Variants in CFAP299 observed in about 807,000 individuals in gnomAD.
CFAP299 encodes cilia and flagella associated protein 299.
A neutral mutation model predicts 27.0 loss-of-function variants in CFAP299; 21 were observed. The observed-to-expected ratio is 0.78, with a 90% CI of 0.55 to 1.12. The LOEUF is 1.12. Among genes scored for constraint, CFAP299 ranks in the 50% most tolerant of loss-of-function variants. The pLI, the probability that CFAP299 is intolerant of heterozygous loss-of-function variation, is 0.00. For synonymous variants in CFAP299, 104 were observed against 98.1 expected (o/e 1.06, Z -0.36); for missense variants, 310 against 276.6 (o/e 1.12, Z -0.86).
chr4:80,669,149 CTTTTTTTTTTT>C (rs869091451), intron 3 of CFAP299, among the ~76,000 whole-genome samples: 13 of 17,156 alleles, frequency 7.6e-4, no homozygotes, highest in Admixed American at 3.8e-3. Context: ...TTCTTTCTTT[CTTTTTTTTTTT>C]TTTTTTTTTT....
intron 3 of CFAP299, among the ~76,000 whole-genome samples, chr4:80,666,585 A>G (rs1001912838): frequency 6.6e-6 from 1 of 152,114 alleles, no homozygotes; most frequent in Non-Finnish European, 1.5e-5. Flanking sequence ...ATATCTCACA[A>G]TACTCATCTA....
chr4:80,675,663 GC>G (rs1455893934), intron 3 of CFAP299, among the ~76,000 whole-genome samples: 3 of 152,192 alleles, frequency 2.0e-5, no homozygotes, highest in Non-Finnish European at 4.4e-5. Context: ...TACAGAGGCA[GC>G]AGGTCTTGCA....
At chr4:80,741,044 C>T (rs578162901) in intron 3 of CFAP299, among the ~76,000 whole-genome samples, 6 of 152,292 alleles carry the variant, frequency 3.9e-5, no homozygotes, top group Admixed American at 3.3e-4. Context: ...TGACTATGGC[C>T]TGGGTGATAT....
intron 4 of CFAP299, among the ~76,000 whole-genome samples, chr4:80,908,301 A>G (rs1443612498): frequency 6.6e-6 from 1 of 152,236 alleles, no homozygotes; most frequent in Non-Finnish European, 1.5e-5. Flanking sequence ...TCAGAGCTGT[A>G]AAAATAGCCA....
intron 4 of CFAP299, among the ~76,000 whole-genome samples, chr4:80,894,046 A>G (rs990742997): frequency 2.0e-5 from 3 of 152,112 alleles, no homozygotes; most frequent in Non-Finnish European, 2.9e-5. Context: ...TTAAAAAAAA[A>G]TGGTTGAAAG....
At chr4:80,637,363 C>T (rs996807776) in intron 3 of CFAP299, among the ~76,000 whole-genome samples, 2 of 152,116 alleles carry the variant, frequency 1.3e-5, no homozygotes, top group African/African-American at 4.8e-5. Flanking sequence ...GTGAAATGCC[C>T]TGACTTTGGA....
At chr4:80,799,212 A>T (rs1427134933) in intron 3 of CFAP299, among the ~76,000 whole-genome samples, 1 of 111,966 alleles carries the variant, frequency 8.9e-6, no homozygotes, top group Non-Finnish European at 1.7e-5. Context: ...TTATATATAT[A>T]TTGTATAAAT....
chr4:80,802,332 G>T (rs1402814961), intron 3 of CFAP299, among the ~76,000 whole-genome samples: 4 of 152,034 alleles, frequency 2.6e-5, no homozygotes, highest in Non-Finnish European at 4.4e-5. Flanking sequence ...TGTTTTAGCA[G>T]TGTGTGGGTG....
intron 3 of CFAP299, among the ~76,000 whole-genome samples, chr4:80,825,390 A>G (rs1482746985): frequency 6.6e-6 from 1 of 151,730 alleles, no homozygotes; most frequent in Non-Finnish European, 1.5e-5. Flanking sequence ...TTGATGAAAG[A>G]CATGCATATA....
intron 2 of CFAP299, among the ~76,000 whole-genome samples, chr4:80,531,679 C>T (rs1025727166): frequency 6.6e-6 from 1 of 151,004 alleles, no homozygotes; most frequent in Non-Finnish European, 1.5e-5. Context: ...GCTAAAAATA[C>T]TAATTTTCCC....
chr4:80,691,756 C>A (rs1211368786), intron 3 of CFAP299, among the ~76,000 whole-genome samples: 1 of 152,062 alleles, frequency 6.6e-6, no homozygotes, highest in Non-Finnish European at 1.5e-5. Flanking sequence ...GTCAAATTGT[C>A]CCTGTTTGCA....
chr4:80,514,577 GC>G (rs1732490522), intron 2 of CFAP299, among the ~76,000 whole-genome samples: 1 of 151,972 alleles, frequency 6.6e-6, no homozygotes, highest in African/African-American at 2.4e-5. Flanking sequence ...ATTATTTAAA[GC>G]CCACTGGTCC....
chr4:80,391,524 ATGAC>A (rs1560544557), intron 2 of CFAP299, among the ~76,000 whole-genome samples: 1 of 152,176 alleles, frequency 6.6e-6, no homozygotes, highest in East Asian at 1.9e-4. Flanking sequence ...ATTTTGATCA[ATGAC>A]AGACTGCGTA....
Position 80,963,385 on chromosome 4 carries a change from G to A in CFAP299, c.607-132G>A, listed in dbSNP as rs193251640. On this transcript the variant is annotated intron_variant, in intron 5 of 5. Coordinates refer to ENST00000358105, the MANE Select transcript of CFAP299 (RefSeq NM_152770.3). ...GAGAAAAAGACTAGGGGGAAAACAT[G>A]TATATATCTCCGTGGAAACAAACTT... 1.6e-5 allele frequency: 10 copies of A among 628,146 alleles called. No individual in the cohort carries two copies. The East Asian group carries it at 2.9e-4, about 18-fold the overall frequency. 38.9% of individuals were successfully genotyped at this position (628,146 alleles called of 1,614,324 possible).
chr4:80,654,670 G>T (rs1319291441), intron 3 of CFAP299, among the ~76,000 whole-genome samples: 2 of 151,848 alleles, frequency 1.3e-5, no homozygotes, highest in Non-Finnish European at 2.9e-5. Context: ...CACAGGCAAT[G>T]ATCATAGATC....
chr4:80,474,221 T>C (rs1730161244), intron 2 of CFAP299, among the ~76,000 whole-genome samples: 1 of 152,178 alleles, frequency 6.6e-6, no homozygotes, highest in Admixed American at 6.5e-5. Flanking sequence ...TTATGAATCT[T>C]TTTAAAGGAC....
chr4:80,815,140 G>A (rs1017960590), intron 3 of CFAP299, among the ~76,000 whole-genome samples: 3 of 151,782 alleles, frequency 2.0e-5, no homozygotes, highest in Non-Finnish European at 2.9e-5. Context: ...AAAAAGACAT[G>A]GAGATGGAAA....
intron 3 of CFAP299, among the ~76,000 whole-genome samples, chr4:80,826,228 A>G (rs1158225968): frequency 6.6e-6 from 1 of 151,798 alleles, no homozygotes; most frequent in African/African-American, 2.4e-5. Context: ...GTTATGTAAT[A>G]TACACAAGAG....
At chr4:80,667,176 T>C (rs1741182039) in intron 3 of CFAP299, among the ~76,000 whole-genome samples, 1 of 151,968 alleles carries the variant, frequency 6.6e-6, no homozygotes, top group Admixed American at 6.6e-5. Context: ...GAATTATTTG[T>C]TTTTTTATGT....
Sources: allele counts gnomAD v4.1 joint callset (sites outside exome capture counted in the v4.1 genomes callset), GRCh38; gene constraint gnomAD v4.1.1; transcripts MANE v1.5; gene names NCBI Gene and HGNC (gene_info 2026-07-23, HGNC 2026-07-21).